DYSF: variants seen among roughly 807,000 people sequenced by gnomAD.
DYSF encodes the protein dysferlin.
A neutral mutation model predicts 274.9 loss-of-function variants in DYSF; 212 were observed. The observed-to-expected ratio is 0.77, with a 90% confidence interval of 0.69 to 0.86. The LOEUF (loss-of-function observed/expected upper bound fraction) is 0.86. DYSF is among the 40% of genes least tolerant of loss of function. The pLI is 0.00. For missense variants in DYSF, 2,666 were observed against 2,783.2 expected (o/e 0.96, Z 0.95); for synonymous variants, 1,091 against 1,078.7 (o/e 1.01, Z -0.22).
chr2:71,480,981 G>C (rs762933201), intron 2 of DYSF, 43 bp downstream of exon 2: 2 of 1,593,556 alleles, frequency 1.3e-6, no homozygotes, highest in South Asian at 2.2e-5. Flanking sequence ...GTCTGCTGCA[G>C]TTGTGTCTGC....
At chr2:71,500,687 C>T (rs149162446) in intron 3 of DYSF, among the ~76,000 whole-genome samples, 15 of 152,260 alleles carry the variant, frequency 9.9e-5, no homozygotes, top group Middle Eastern at 3.4e-3. Flanking sequence ...ACCCTATGAC[C>T]TGGCTGCTAA....
At chr2:71,508,669 T>A (rs2085757909) in intron 4 of DYSF, among the ~76,000 whole-genome samples, 1 of 152,210 alleles carries the variant, frequency 6.6e-6, no homozygotes, top group African/African-American at 2.4e-5. Flanking sequence ...TCAGGTGGGA[T>A]GATTGTGATT....
rs772298390 is a variant in DYSF at position 71,686,458 on chromosome 2, A to G, written c.6326A>G (p.Tyr2109Cys). ...LAIFIYAFPN[Y>C]AAMKLVKPFS Reference sequence around the variant, plus strand: ...CTGTCTCCTCCCTCCCTCCAGAACTATGCTGCCATGAAGCTGGTGAAGCCC... The same window carrying G: ...CTGTCTCCTCCCTCCCTCCAGAACTGTGCTGCCATGAAGCTGGTGAAGCCC... Residue 2109 changes from tyrosine to cysteine, a missense_variant, in exon 56 of 56, where the codon TAT (tyrosine) becomes TGT (cysteine). Tyr to Cys is a radical substitution (Grantham distance 194, BLOSUM62 -2). This residue lies in a region of DYSF where 1,460 missense variants were observed against 1,502.1 expected (regional missense o/e 0.97). Transcript: ENST00000410020. The G allele has an allele frequency of 1.2e-6, 2 of 1,613,976 alleles. No homozygotes were observed. Among genetic ancestry groups the G allele is most frequent in the East Asian group, 2.2e-5 (1 of 44,862 alleles).
At chr2:71,510,680 C>A (rs950548935) in intron 4 of DYSF, among the ~76,000 whole-genome samples, 2 of 152,194 alleles carry the variant, frequency 1.3e-5, no homozygotes, top group East Asian at 3.9e-4. Context: ...TCTGTGAGTC[C>A]CTGGACGTCC....
At chr2:71,507,842 T>C (rs1412562343) in intron 4 of DYSF, among the ~76,000 whole-genome samples, 1 of 152,228 alleles carries the variant, frequency 6.6e-6, no homozygotes, top group East Asian at 1.9e-4. Flanking sequence ...CATCTTGAAA[T>C]TCTTAAAGCT....
chr2:71,551,326 A>G (rs938443827), intron 18 of DYSF, among the ~76,000 whole-genome samples, 170 bp downstream of exon 18: 1 of 152,210 alleles, frequency 6.6e-6, no homozygotes. Context: ...CCTGAGTGCC[A>G]GTCTGATCCT....
chr2:71,466,793 C>A lies in DYSF; in HGVS notation c.-50C>A. ...TGGGTGGGTGCTCGGGCCCGGTGCTCCCGCTCCCGCCCTGACTGCGCGCCT... is the reference window on the plus strand; with the variant it reads ...TGGGTGGGTGCTCGGGCCCGGTGCTACCGCTCCCGCCCTGACTGCGCGCCT... On this transcript the variant is annotated 5_prime_UTR_variant, in exon 1 of 56. Transcript: ENST00000410020. The A allele has an allele frequency of 6.9e-7, 1 of 1,458,726 alleles. No homozygotes were observed. Among genetic ancestry groups the A allele is most frequent in the Non-Finnish European group, 9.2e-7 (1 of 1,092,008 alleles). The allele number at this position is 1,458,726 out of a possible 1,614,324, so 90.4% of individuals were successfully genotyped here.
In DYSF at chr2:71,454,009, T is replaced by G. The variant is rs760262472; in HGVS notation, c.11T>G (p.Val4Gly). 13 of 1,613,582 alleles carry G rather than the reference T, an allele frequency of 8.1e-6. No individual in the cohort carries two copies. Among genetic ancestry groups the G allele is most frequent in the African/African-American group, 1.3e-5 (1 of 74,706 alleles). ...CTACACGCGCCAAGCATGCTGAGGG[T>G]CTTCATCCTCTATGCCGAGAACGTC... The change falls in exon 1 of 55, where the codon GTC becomes GGC. Residue 4 changes from valine (V) to glycine (G), a missense_variant. Coordinates refer to the DYSF transcript ENST00000258104.
intron 31 of DYSF, 63 bp downstream of exon 31, chr2:71,589,749 G>A (rs888322804): frequency 5.6e-5 from 82 of 1,467,924 alleles, no homozygotes; most frequent in Admixed American, 3.0e-4. Context: ...CTTCTGTTTG[G>A]ATGGAGTTAT....
Position 71,511,866 on chromosome 2 carries a change from G to A in DYSF, c.405G>A (p.Pro135=), listed in dbSNP as rs973059586. ...TGCCTGGAGCTGTGCCCCTGTTCCC[G>A]CCCCCTACTCCTCTGGAGCCCTCCC... ...TPLPGAVPLF[P]PPTPLEPSPT... The change falls in exon 5 of 56, where the codon CCG becomes CCA. Residue 135 remains proline, a synonymous_variant. Transcript: ENST00000410020. 93 of 1,551,260 alleles carry A rather than the reference G, an allele frequency of 6.0e-5. No homozygotes were observed. Among genetic ancestry groups the A allele is most frequent in the Middle Eastern group, 1.7e-4 (1 of 5,986 alleles).
intron 41 of DYSF, among the ~76,000 whole-genome samples, chr2:71,642,269 T>G (rs2094498358): frequency 6.6e-6 from 1 of 152,224 alleles, no homozygotes. Context: ...CATTTCTACC[T>G]AAGTGTCCAT....
intron 32 of DYSF, among the ~76,000 whole-genome samples, chr2:71,598,273 C>G (rs1236292522): frequency 1.3e-5 from 2 of 152,230 alleles, no homozygotes; most frequent in Non-Finnish European, 2.9e-5. Flanking sequence ...CCCAGCTGGA[C>G]CCTGCTTCCA....
chr2:71,513,789 C>A lies in DYSF; in HGVS notation c.627C>A (p.Ser209Arg), dbSNP rs780331854. Residue 209 changes from serine (S) to arginine (R), a missense_variant, in exon 7 of 56, where the codon AGC (serine) becomes AGA (arginine). Coordinates refer to ENST00000410020, the MANE Select transcript of DYSF (RefSeq NM_001130987.2). ...GDEAEPFLDQ[S>R]GGPGAPTTPR... ...AGGCGGAGCCATTCCTGGATCAAAG[C>A]GGAGGCCCGGGGGCTCCCACCACCC... The A allele has an allele frequency of 6.2e-7, 1 of 1,614,040 alleles. No homozygotes were observed. The highest frequency in any genetic ancestry group is 1.7e-5 in the Admixed American group (1 of 60,006).
chr2:71,594,146 C>T (rs1027020628), intron 32 of DYSF, among the ~76,000 whole-genome samples: 10 of 152,158 alleles, frequency 6.6e-5, no homozygotes, highest in African/African-American at 1.2e-4. Context: ...TCTTGATGAC[C>T]GGTGCCTTAG....
rs139879284 is a variant in DYSF, at chr2:71,668,799, C to T, written c.5503C>T (p.Arg1835Trp). The change falls in exon 49 of 56, where the codon CGG becomes TGG. Residue 1835 changes from arginine (R) to tryptophan (W), a missense_variant. This residue lies in a region of DYSF where 1,460 missense variants were observed against 1,502.1 expected (regional missense o/e 0.97). Transcript: ENST00000410020. ...CGACCTATTTCCGAAGGCCCTGGGG[C>T]GGCCTGGACCTCCCTTCAACATCAC... ...WVDLFPKALG[R>W]PGPPFNITPR... The T allele has an allele frequency of 3.0e-4, 477 of 1,613,924 alleles. No individual in the cohort carries two copies. The African/African-American group carries it at 5.3e-3, about 18-fold the overall frequency.
chr2:71,538,209 G>A (rs1315068385), intron 16 of DYSF, among the ~76,000 whole-genome samples: 1 of 152,230 alleles, frequency 6.6e-6, no homozygotes, highest in African/African-American at 2.4e-5. Context: ...TAAGTCACCT[G>A]ATGGTTTTAG....
chr2:71,681,013 A>G lies in DYSF; in HGVS notation c.6076A>G (p.Met2026Val). 1.2e-6 allele frequency: 2 copies of G among 1,614,162 alleles called. No individual in the cohort carries two copies. The highest frequency in any genetic ancestry group is 1.7e-6 in the Non-Finnish European group (2 of 1,180,046). The change falls in exon 54 of 56, where the codon ATG becomes GTG. Residue 2026 changes from methionine (M) to valine (V), a missense_variant. Transcript: ENST00000410020. Reference sequence around the variant, plus strand: ...TCTGTCCCCTCAGGGCAAGCTGGAAATGACCTTGGAGATTGTAGCAGAGAG... The same window carrying G: ...TCTGTCCCCTCAGGGCAAGCTGGAAGTGACCTTGGAGATTGTAGCAGAGAG... ...EKKILAGKLEMTLEIVAESEH... is the reference protein window; with the variant it reads ...EKKILAGKLEVTLEIVAESEH...
chr2:71,499,854 G>C (rs537969870), intron 3 of DYSF, among the ~76,000 whole-genome samples: 1 of 152,310 alleles, frequency 6.6e-6, no homozygotes, highest in East Asian at 1.9e-4. Context: ...TGGGCTGCAG[G>C]GGGTGTGGCC....
At chr2:71,557,559 G>A (rs552051005) in intron 22 of DYSF, among the ~76,000 whole-genome samples, 4 of 152,246 alleles carry the variant, frequency 2.6e-5, no homozygotes, top group African/African-American at 9.6e-5. Flanking sequence ...GGCAGGTGCT[G>A]GGACCAGGGG....
Sources: gnomAD v4.1 joint callset for allele counts (sites outside exome capture counted in the v4.1 genomes callset) on GRCh38, gnomAD v4.1.1 for gene constraint, gnomAD v4.1.1 regional missense constraint, MANE v1.5 for transcripts, NCBI Gene and HGNC (gene_info 2026-07-23, HGNC 2026-07-21) for gene names.